Variants in ZNF540 observed in about 807,000 individuals in gnomAD.
ZNF540 encodes the protein zinc finger protein 540.
A neutral mutation model predicts 11.8 loss-of-function variants in ZNF540; 3 were observed. The ratio of observed to expected loss-of-function variants is 0.25; its 90% CI spans 0.12 to 0.65. ZNF540 has a LOEUF of 0.65. Ranked by LOEUF, ZNF540 falls within the 30% of genes least tolerant of loss-of-function variation. ZNF540 has a pLI of 0.83. For missense variants in ZNF540, 709 were observed against 793.1 expected (o/e 0.89, Z 1.27); for synonymous variants, 247 against 259.0 (o/e 0.95, Z 0.45).
chr19:37,588,426 A>G (rs116935050), intron 1 of ZNF540, among the ~76,000 whole-genome samples: 197 of 152,382 alleles, frequency 1.3e-3, no homozygotes, highest in Non-Finnish European at 2.2e-3. Context: ...ATGTGGCTAG[A>G]GGCCATTATC....
chr19:37,581,905 C>T (rs2043482021), intron 1 of ZNF540, among the ~76,000 whole-genome samples: 1 of 151,826 alleles, frequency 6.6e-6, no homozygotes, highest in Admixed American at 6.5e-5. Context: ...TGCATGCTTC[C>T]TGTCTATACC....
intron 1 of ZNF540, among the ~76,000 whole-genome samples, chr19:37,576,419 G>C (rs1419644095): frequency 6.6e-6 from 1 of 152,116 alleles, no homozygotes; most frequent in Non-Finnish European, 1.5e-5. Context: ...AAATAAAATA[G>C]AGCAGGCTTC....
intron 1 of ZNF540, chr19:37,566,206 C>T (rs1242749613): frequency 7.4e-6 from 12 of 1,613,790 alleles, no homozygotes; most frequent in African/African-American, 1.3e-5. Flanking sequence ...TGATACGTTT[C>T]CCCATATTCT....
intron 4 of ZNF540, among the ~76,000 whole-genome samples, chr19:37,607,302 A>G (rs1477401439): frequency 6.6e-6 from 1 of 152,122 alleles, no homozygotes; most frequent in Non-Finnish European, 1.5e-5. Flanking sequence ...CAGTTGATAA[A>G]CCTACATTGA....
chr19:37,580,046 A>G lies in ZNF540; in HGVS notation c.-72-18330A>G, dbSNP rs536460669. ...CTCATAAGCTTTATCGTATGAGGCT[A>G]TATTTACAGCACGGATAGACATTGA... On this transcript the variant is annotated intron_variant, in intron 1 of 4. Transcript: ENST00000592533. Among the ~76,000 whole-genome samples, 25 of 152,366 alleles carry G rather than the reference A, an allele frequency of 1.6e-4. 2 individuals carry two copies. In the South Asian group the frequency reaches 4.1e-3, roughly 25 times the overall value.
At chr19:37,595,618 T>A (rs1177095627) in intron 1 of ZNF540, among the ~76,000 whole-genome samples, 1 of 152,246 alleles carries the variant, frequency 6.6e-6, no homozygotes, top group African/African-American at 2.4e-5. Context: ...ATTATAGTGA[T>A]ATCTCCTGGC....
At chr19:37,580,246 A>C (rs1338689491) in intron 1 of ZNF540, among the ~76,000 whole-genome samples, 2 of 152,226 alleles carry the variant, frequency 1.3e-5, no homozygotes, top group Non-Finnish European at 2.9e-5. Flanking sequence ...GAACTGTTCT[A>C]ACTCATCAGC....
chr19:37,587,800 T>C (rs2043728693), intron 1 of ZNF540, among the ~76,000 whole-genome samples: 4 of 152,008 alleles, frequency 2.6e-5, no homozygotes, highest in Admixed American at 1.3e-4. Context: ...TTCACCTCCT[T>C]TGAGGCAATA....
chr19:37,576,515 A>C (rs2043247815), intron 1 of ZNF540, among the ~76,000 whole-genome samples: 1 of 152,210 alleles, frequency 6.6e-6, no homozygotes, highest in South Asian at 2.1e-4. Context: ...CAATTAACAC[A>C]AGATTGACTA....
At chr19:37,593,303 T>C (rs2043921536), upstream of ZNF540, among the ~76,000 whole-genome samples, 1 of 152,150 alleles carries the variant, frequency 6.6e-6, no homozygotes, top group Non-Finnish European at 1.5e-5. Flanking sequence ...GTGTTGAACA[T>C]GTTGGGGTTC....
chr19:37,591,416 G>A (rs938271851), upstream of ZNF540, among the ~76,000 whole-genome samples: 1 of 152,182 alleles, frequency 6.6e-6, no homozygotes, highest in African/African-American at 2.4e-5. Context: ...ACAATAGTTC[G>A]AAACATATGG....
chr19:37,594,151 G>A (rs1465148243), upstream of ZNF540: 1 of 152,174 alleles, frequency 6.6e-6, no homozygotes, highest in Non-Finnish European at 1.5e-5. Flanking sequence ...TTTAACAGTG[G>A]TCTTCTTCCT....
At chr19:37,597,108 T>C (rs1531549) in intron 1 of ZNF540, among the ~76,000 whole-genome samples, 38,613 of 152,082 alleles carry the variant, frequency 0.25, 5,591 homozygotes, top group East Asian at 0.63. Context: ...AATGACATTG[T>C]AGAACTGTTC....
At chr19:37,561,059 AAAAAAAAAAAAAAAAG>A (rs1448471279) in intron 1 of ZNF540, among the ~76,000 whole-genome samples, 3 of 84,594 alleles carry the variant, frequency 3.5e-5, no homozygotes, top group East Asian at 1.4e-3. Flanking sequence ...AAAAAAAAAA[AAAAAAAAAAAAAAAAG>A]AAAGAAAAAA....
At chr19:37,608,655 GTGATAAGGT>G (rs1221969622) in intron 4 of ZNF540, among the ~76,000 whole-genome samples, 8 of 152,134 alleles carry the variant, frequency 5.3e-5, no homozygotes, top group African/African-American at 1.9e-4. Flanking sequence ...TAGGAGTGCA[GTGATAAGGT>G]TTCCGCAGTC....
Position 37,557,466 on chromosome 19 carries a change from G to A in ZNF540, c.-73+5801G>A, listed in dbSNP as rs2042672159. ...CCCATCGGAGAGCCTGAGTGAGGGC[G>A]ATCAATTCAGCTTTTTGCGCTGAGG... On this transcript the variant is annotated intron_variant, in intron 1 of 4. Coordinates refer to the ZNF540 transcript ENST00000592533. Among the ~76,000 whole-genome samples the A allele has an allele frequency of 1.3e-5, 2 of 152,160 alleles. 1 individual carries two copies. The highest frequency in any genetic ancestry group is 4.2e-4 in the South Asian group (2 of 4,818).
At chr19:37,574,630 T>C (rs1029646161) in intron 1 of ZNF540, among the ~76,000 whole-genome samples, 1 of 152,210 alleles carries the variant, frequency 6.6e-6, no homozygotes. Context: ...CAGTTGTTCA[T>C]GGTTTATCAC....
chr19:37,554,631 C>T (rs972563735), intron 1 of ZNF540, among the ~76,000 whole-genome samples: 4 of 152,112 alleles, frequency 2.6e-5, no homozygotes, highest in Non-Finnish European at 4.4e-5. Context: ...GGAGTATTTT[C>T]AACCATTATT....
At chr19:37,565,180 C>T in intron 1 of ZNF540, 1 of 1,613,228 alleles carries the variant, frequency 6.2e-7, no homozygotes, top group Non-Finnish European at 8.5e-7. Flanking sequence ...TGTAGGGCTT[C>T]TCTCCGGTAT....
Sources: gnomAD v4.1 joint callset for allele counts (sites outside exome capture counted in the v4.1 genomes callset) on GRCh38, gnomAD v4.1.1 for gene constraint, MANE v1.5 for transcripts, NCBI Gene and HGNC (gene_info 2026-07-23, HGNC 2026-07-21) for gene names.